Variants in RAPGEF2 observed in about 807,000 individuals in gnomAD.
RAPGEF2 encodes Rap guanine nucleotide exchange factor 2.
A neutral mutation model predicts 186.7 loss-of-function variants in RAPGEF2; 54 were observed. That is an observed-to-expected ratio of 0.29 (90% CI 0.23 to 0.36). The LOEUF is 0.36. Among genes scored for constraint, RAPGEF2 ranks in the 10% least tolerant of loss-of-function variants. The pLI, the probability that RAPGEF2 is intolerant of heterozygous loss-of-function variation, is 1.00. For missense variants in RAPGEF2, 1,532 were observed against 2,045.0 expected (o/e 0.75, Z 4.84); for synonymous variants, 712 against 705.9 (o/e 1.01, Z -0.14).
At chr4:159,342,092 C>A in intron 20 of RAPGEF2, 145 bp downstream of exon 20, 1 of 790,484 alleles carries the variant, frequency 1.3e-6, no homozygotes, top group Non-Finnish European at 1.9e-6. Flanking sequence ...GAATCCTAAC[C>A]TTAATCCTTA....
intron 19 of RAPGEF2, among the ~76,000 whole-genome samples, chr4:159,340,302 T>C (rs1729204913): frequency 6.6e-6 from 1 of 152,220 alleles, no homozygotes; most frequent in Admixed American, 6.5e-5. Context: ...CAAATAGTTT[T>C]GTTTTAGTAG....
At chr4:159,275,094 TGTATG>T (rs1405596390) in intron 7 of RAPGEF2, among the ~76,000 whole-genome samples, 1 of 145,220 alleles carries the variant, frequency 6.9e-6, no homozygotes, top group Non-Finnish European at 1.5e-5. Flanking sequence ...TGTGTGTGTG[TGTATG>T]ATATATGAGA....
rs1359931219 is a variant in RAPGEF2 at position 159,359,723 on chromosome 4, ACTTG to A, written c.*1588_*1591del. 30 of 152,310 alleles carry A rather than the reference ACTTG, an allele frequency of 2.0e-4. No individual in the cohort carries two copies. Among genetic ancestry groups the A allele is most frequent in the Non-Finnish European group, 3.4e-4 (23 of 68,022 alleles). The allele number at this position is 152,310 out of a possible 1,614,324, so 9.4% of individuals were successfully genotyped here. ...CTCTTCTGTATCATGGCATTTGTCT[ACTTG>A]CTTATTACATTGTCAATTATGCATT... On this transcript the variant is annotated 3_prime_UTR_variant, in exon 30 of 30. Transcript: ENST00000691494.
At chr4:159,277,595 C>T (rs1348231000) in intron 7 of RAPGEF2, among the ~76,000 whole-genome samples, 1 of 152,130 alleles carries the variant, frequency 6.6e-6, no homozygotes, top group Non-Finnish European at 1.5e-5. Flanking sequence ...CTGTTGTTTC[C>T]TGACTTTTTA....
intron 7 of RAPGEF2, among the ~76,000 whole-genome samples, chr4:159,299,430 TAAAA>T (rs56009800): frequency 1.4e-5 from 2 of 140,672 alleles, no homozygotes; most frequent in Non-Finnish European, 3.1e-5. Flanking sequence ...TCTTTTACAT[TAAAA>T]AAAAAAAAAA....
intron 1 of RAPGEF2, among the ~76,000 whole-genome samples, chr4:159,121,459 T>C (rs1012695232): frequency 2.0e-5 from 3 of 151,960 alleles, no homozygotes; most frequent in Non-Finnish European, 4.4e-5. Context: ...CTCAATCTCT[T>C]GGACTCAAGC....
chr4:159,356,334 T>TTG (rs61014850), intron 29 of RAPGEF2, among the ~76,000 whole-genome samples, 176 bp downstream of exon 29: 2,413 of 151,642 alleles, frequency 0.016, 68 homozygotes, highest in African/African-American at 0.054. Context: ...CTGCTTTCTT[T>TTG]TGTGTGTGTG....
chr4:159,223,688 C>T (rs72699349), intron 4 of RAPGEF2, among the ~76,000 whole-genome samples: 38,633 of 152,018 alleles, frequency 0.25, 5,515 homozygotes, highest in African/African-American at 0.38. Flanking sequence ...CTAGCGTATA[C>T]GTATCAGAGA....
intron 8 of RAPGEF2, among the ~76,000 whole-genome samples, chr4:159,305,530 A>T (rs6536409): frequency 0.61 from 93,330 of 151,938 alleles, 29,977 homozygotes; most frequent in African/African-American, 0.77. Flanking sequence ...ATGGGATTAA[A>T]TTTTTTGCTG....
intron 1 of RAPGEF2, among the ~76,000 whole-genome samples, chr4:159,143,605 AT>A (rs1296099846): frequency 1.3e-5 from 2 of 151,988 alleles, no homozygotes; most frequent in African/African-American, 4.8e-5. Context: ...GTCAAATGTA[AT>A]TTTTTCTTTT....
rs182588752 is a variant in RAPGEF2 at position 159,144,440 on chromosome 4, C to T, written c.69+40209C>T. Reference sequence around the variant, plus strand: ...TGTTCCTGTCCTTTCTGTGGTATTGCGTGTAGGAACTCAGTACAAACTTAC... The same window carrying T: ...TGTTCCTGTCCTTTCTGTGGTATTGTGTGTAGGAACTCAGTACAAACTTAC... On this transcript the variant is annotated intron_variant, in intron 1 of 29. Coordinates refer to ENST00000691494, the MANE Select transcript of RAPGEF2 (RefSeq NM_001394067.2). 3.3e-5 allele frequency among the ~76,000 whole-genome samples: 5 copies of T among 152,210 alleles called. 1 individual carries two copies. The South Asian group carries it at 6.2e-4, about 19-fold the overall frequency.
chr4:159,319,399 TTTC>T lies in RAPGEF2; in HGVS notation c.854-2947_854-2945del, dbSNP rs1285654086. On this transcript the variant is annotated intron_variant, in intron 9 of 29. Transcript: ENST00000691494. ...TGCTTGATGATCTGAGGCAGAACAG[TTTC>T]ATCCCAAAACTATCCCCCCGCACCC... 7.2e-5 allele frequency among the ~76,000 whole-genome samples: 11 copies of T among 152,088 alleles called. No homozygotes were observed. In the East Asian group the frequency reaches 1.7e-3, roughly 24 times the overall value.
chr4:159,266,523 T>A (rs1204775870), intron 7 of RAPGEF2, among the ~76,000 whole-genome samples: 1 of 152,200 alleles, frequency 6.6e-6, no homozygotes, highest in Non-Finnish European at 1.5e-5. Flanking sequence ...TATAATAGAA[T>A]AATGTATCCG....
intron 7 of RAPGEF2, among the ~76,000 whole-genome samples, chr4:159,284,790 C>T (rs150122674): frequency 9.8e-5 from 15 of 152,308 alleles, no homozygotes; most frequent in East Asian, 5.8e-4. Context: ...GGTGGCTTCA[C>T]GCCTGTAATC....
At position 159,108,336 on chromosome 4, in the gene RAPGEF2, T is replaced by C. The variant is rs1738109091; in HGVS notation, c.69+4105T>C. On this transcript the variant is annotated intron_variant, in intron 1 of 29. Coordinates refer to ENST00000691494, the MANE Select transcript of RAPGEF2 (RefSeq NM_001394067.2). ...GCAGTGCTTTATGCAGATACTCGTT[T>C]AATGCAGTCGCAGTCATTCCCAAAT... is the stretch of plus-strand genomic sequence containing the variant. Among the ~76,000 whole-genome samples, 3 of 151,952 alleles carry C rather than the reference T, an allele frequency of 2.0e-5. No homozygotes were observed. In the South Asian group the frequency reaches 6.2e-4, roughly 32 times the overall value.
At chr4:159,352,030 CT>C (rs1430043452) in intron 26 of RAPGEF2, among the ~76,000 whole-genome samples, 1 of 152,194 alleles carries the variant, frequency 6.6e-6, no homozygotes, top group Non-Finnish European at 1.5e-5. Flanking sequence ...GTTAAGGGTC[CT>C]TTCAGGCCAA....
chr4:159,332,334 GT>G, intron 16 of RAPGEF2, 116 bp from the exon 17 acceptor site: 1 of 1,121,856 alleles, frequency 8.9e-7, no homozygotes, highest in East Asian at 2.4e-5. Context: ...CAGGTTTGCA[GT>G]TTTGATAACT....
intron 1 of RAPGEF2, among the ~76,000 whole-genome samples, chr4:159,106,528 A>G (rs1737905169): frequency 1.3e-5 from 2 of 152,226 alleles, no homozygotes; most frequent in African/African-American, 2.4e-5. Flanking sequence ...TTCGAATTTT[A>G]TAATATTAGA....
At chr4:159,248,199 G>A (rs1160528581) in intron 7 of RAPGEF2, among the ~76,000 whole-genome samples, 1 of 152,164 alleles carries the variant, frequency 6.6e-6, no homozygotes, top group East Asian at 1.9e-4. Flanking sequence ...ACATGACTGA[G>A]AGTTTGAGGT....
Sources: gnomAD v4.1 joint callset for allele counts (sites outside exome capture counted in the v4.1 genomes callset) on GRCh38, gnomAD v4.1.1 for gene constraint, MANE v1.5 for transcripts, NCBI Gene and HGNC (gene_info 2026-07-23, HGNC 2026-07-21) for gene names.